Variants in NEGR1 observed in about 807,000 individuals in gnomAD.
NEGR1 encodes IgLON family member 4.
NEGR1 carries 10 observed loss-of-function variants against 40.9 expected under a neutral mutation model. That is an observed-to-expected ratio of 0.24 (90% CI 0.15 to 0.42). The LOEUF (loss-of-function observed/expected upper bound fraction) is 0.42, where lower values mean the gene tolerates loss of function less well. Ranked by LOEUF, NEGR1 falls within the 10% of genes least tolerant of loss-of-function variation. The probability of loss-of-function intolerance (pLI) is 1.00; values close to 1 mark genes in which losing one functional copy is unlikely to be tolerated. For missense variants in NEGR1, 352 were observed against 438.9 expected, an observed-to-expected ratio of 0.80 and a Z score of 1.77; for synonymous variants, 185 against 166.8, an observed-to-expected ratio of 1.11 and a Z score of -0.84.
chr1:71,588,741 G>A (rs7517576), intron 6 of NEGR1, among the ~76,000 whole-genome samples: 13 of 151,952 alleles, frequency 8.6e-5, no homozygotes, highest in Admixed American at 5.9e-4. Flanking sequence ...TATTTCCCTC[G>A]CACCCAAAGA....
At chr1:71,754,045 C>A (rs577834080) in intron 3 of NEGR1, among the ~76,000 whole-genome samples, 42 of 151,330 alleles carry the variant, frequency 2.8e-4, no homozygotes, top group African/African-American at 1.0e-3. Context: ...TGGAACAGAA[C>A]TAAGAGAGAG....
chr1:71,466,198 T>C (rs1646744717), intron 6 of NEGR1, among the ~76,000 whole-genome samples: 1 of 152,100 alleles, frequency 6.6e-6, no homozygotes, highest in Non-Finnish European at 1.5e-5. Context: ...ACACATTATG[T>C]AGGCACTAAA....
At chr1:71,781,545 T>C (rs1656716194) in intron 2 of NEGR1, among the ~76,000 whole-genome samples, 1 of 152,190 alleles carries the variant, frequency 6.6e-6, no homozygotes, top group South Asian at 2.1e-4. Context: ...AGGCTGTCTT[T>C]AGGATGCCAG....
chr1:72,232,250 G>T (rs559955297), intron 1 of NEGR1, among the ~76,000 whole-genome samples: 1 of 151,758 alleles, frequency 6.6e-6, no homozygotes, highest in Non-Finnish European at 1.5e-5. Context: ...CCAGCTACTC[G>T]GAAGGCTAAG....
At chr1:71,634,483 T>C (rs1413026398) in intron 4 of NEGR1, among the ~76,000 whole-genome samples, 1 of 152,134 alleles carries the variant, frequency 6.6e-6, no homozygotes, top group Non-Finnish European at 1.5e-5. Flanking sequence ...GGTAGGACTC[T>C]TCCATATTGT....
chr1:71,775,140 G>A (rs896792357), intron 3 of NEGR1, among the ~76,000 whole-genome samples: 1 of 152,036 alleles, frequency 6.6e-6, no homozygotes, highest in East Asian at 1.9e-4. Context: ...TTACTTTAGC[G>A]GTTCATGCTG....
At chr1:71,407,632 T>C (rs1183298853) in intron 6 of NEGR1, 62 bp from the exon 7 acceptor site, 3 of 1,555,178 alleles carry the variant, frequency 1.9e-6, no homozygotes, top group Non-Finnish European at 2.7e-6. Flanking sequence ...ATCTTGACAA[T>C]AATCAAAAGG....
chr1:71,597,464 C>CTG (rs1478049057), intron 5 of NEGR1, among the ~76,000 whole-genome samples: 19 of 19,172 alleles, frequency 9.9e-4, no homozygotes, highest in Non-Finnish European at 3.7e-3. Context: ...CTCTCTCTCT[C>CTG]TCTCTCTCTG....
intron 1 of NEGR1, among the ~76,000 whole-genome samples, chr1:72,276,176 G>A (rs1202111642): frequency 1.3e-5 from 2 of 152,008 alleles, no homozygotes; most frequent in Non-Finnish European, 2.9e-5. Context: ...AACAAGATAT[G>A]GTAGAAAAAT....
At chr1:71,417,412 CA>C (rs1330819345) in intron 6 of NEGR1, among the ~76,000 whole-genome samples, 1 of 152,114 alleles carries the variant, frequency 6.6e-6, no homozygotes, top group African/African-American at 2.4e-5. Flanking sequence ...ATCAAGAATT[CA>C]GGACTTGGAA....
At chr1:71,860,644 G>C (rs1659918327) in intron 2 of NEGR1, among the ~76,000 whole-genome samples, 1 of 151,964 alleles carries the variant, frequency 6.6e-6, no homozygotes, top group African/African-American at 2.4e-5. Context: ...AGTGAGCTTA[G>C]TTTGCTGGGG....
chr1:71,720,578 T>A (rs987883189), intron 3 of NEGR1, among the ~76,000 whole-genome samples: 3 of 152,218 alleles, frequency 2.0e-5, no homozygotes, highest in African/African-American at 7.2e-5. Flanking sequence ...TTGGTACTTT[T>A]TTCCCTTAAG....
intron 1 of NEGR1, among the ~76,000 whole-genome samples, chr1:72,221,274 C>A (rs975241261): frequency 6.6e-6 from 1 of 152,050 alleles, no homozygotes; most frequent in Non-Finnish European, 1.5e-5. Context: ...TAATCCAGGA[C>A]AACCTTATCA....
intron 6 of NEGR1, among the ~76,000 whole-genome samples, chr1:71,509,273 G>T (rs1647057501): frequency 6.6e-6 from 1 of 152,156 alleles, no homozygotes; most frequent in Admixed American, 6.5e-5. Context: ...GGATGCATGG[G>T]GAAATCAGAC....
chr1:72,051,820 T>G (rs146045271), intron 1 of NEGR1, among the ~76,000 whole-genome samples: 1 of 151,398 alleles, frequency 6.6e-6, no homozygotes, highest in Admixed American at 6.6e-5. Context: ...GTCCCGAAAG[T>G]TGTCAACTTT....
chr1:71,958,164 T>C (rs1412578118), intron 1 of NEGR1, among the ~76,000 whole-genome samples: 1 of 152,208 alleles, frequency 6.6e-6, no homozygotes, highest in Non-Finnish European at 1.5e-5. Context: ...AGTACAGTTA[T>C]AGCATTTTCA....
At chr1:71,423,197 G>T (rs1316773844) in intron 6 of NEGR1, among the ~76,000 whole-genome samples, 1 of 152,014 alleles carries the variant, frequency 6.6e-6, no homozygotes, top group Non-Finnish European at 1.5e-5. Flanking sequence ...AGATCAGCCT[G>T]GGCAACAAAG....
chr1:71,446,288 T>G lies in NEGR1; in HGVS notation c.941-38718A>C, dbSNP rs186139058. 6.5e-3 allele frequency among the ~76,000 whole-genome samples: 991 copies of G among 152,306 alleles called. 28 individuals are homozygous for G. Among genetic ancestry groups the G allele is most frequent in the Admixed American group, 0.055 (849 of 15,300 alleles). ...AGTTGTGTACCAAATAGATTCCTGT[T>G]TACTTTGTTCTGAGATAACCGTCTC... On this transcript the variant is annotated intron_variant, in intron 6 of 6. Transcript: ENST00000357731.
At chr1:72,209,643 T>C (rs1226572400) in intron 1 of NEGR1, among the ~76,000 whole-genome samples, 1 of 151,928 alleles carries the variant, frequency 6.6e-6, no homozygotes, top group East Asian at 1.9e-4. Flanking sequence ...CTATGATAAT[T>C]ATATGTGTAC....
Sources: gnomAD v4.1 joint callset for allele counts (sites outside exome capture counted in the v4.1 genomes callset) on GRCh38, gnomAD v4.1.1 for gene constraint, MANE v1.5 for transcripts, NCBI Gene and HGNC (gene_info 2026-07-23, HGNC 2026-07-21) for gene names.